The following GLO1 variants were observed in gnomAD, a reference collection of about 807,000 sequenced individuals.
GLO1 encodes the protein lactoylglutathione lyase.
A neutral mutation model predicts 26.0 loss-of-function variants in GLO1; 28 were observed. That is an observed-to-expected ratio of 1.08 (90% confidence interval 0.80 to 1.48). GLO1 has a LOEUF of 1.48. GLO1 is among the 40% of genes most tolerant of loss of function. The probability of loss-of-function intolerance (pLI) is 0.00; values close to 1 mark genes in which losing one functional copy is unlikely to be tolerated. For missense variants in GLO1, 225 were observed against 224.8 expected (o/e 1.00, Z -0.01); for synonymous variants, 78 against 77.6 (o/e 1.00, Z -0.03).
intron 1 of GLO1, among the ~76,000 whole-genome samples, chr6:38,693,804 G>A (rs528946695): frequency 1.4e-3 from 217 of 151,870 alleles, no homozygotes; most frequent in African/African-American, 4.9e-3. Flanking sequence ...TCCGCCTCCC[G>A]GGTTCACGCC....
At chr6:38,685,160 T>C (rs1005945131) in intron 2 of GLO1, among the ~76,000 whole-genome samples, 13 of 152,148 alleles carry the variant, frequency 8.5e-5, no homozygotes, top group Non-Finnish European at 1.6e-4. Flanking sequence ...TGGATTACAC[T>C]GTACTGGGGA....
At chr6:38,687,561 A>T (rs1453807048) in intron 1 of GLO1, among the ~76,000 whole-genome samples, 1 of 152,244 alleles carries the variant, frequency 6.6e-6, no homozygotes, top group Non-Finnish European at 1.5e-5. Flanking sequence ...CTAGACTCCT[A>T]AATAACTAAA....
Position 38,698,040 on chromosome 6 carries a change from C to T in GLO1, c.84+4931G>A, listed in dbSNP as rs114075713. Among the ~76,000 whole-genome samples, 1,367 of 152,302 alleles carry T rather than the reference C, an allele frequency of 9.0e-3. 24 individuals carry two copies. Among genetic ancestry groups the T allele is most frequent in the African/African-American group, 0.03 (1,228 of 41,556 alleles). The stretch of plus-strand genomic sequence containing the variant: ...TAGCTGCATACTTCTCTAACACCAA[C>T]GGTTATCACCACTCCCCTAAACCGG... On this transcript the variant is annotated intron_variant, in intron 1 of 5. Transcript: ENST00000373365.
At chr6:38,687,752 C>A (rs1274053346) in intron 1 of GLO1, among the ~76,000 whole-genome samples, 1 of 152,132 alleles carries the variant, frequency 6.6e-6, no homozygotes, top group Admixed American at 6.5e-5. Flanking sequence ...GTATTACTGT[C>A]GATATTCATA....
chr6:38,681,653 T>A (rs1761382098), intron 5 of GLO1, among the ~76,000 whole-genome samples: 1 of 152,138 alleles, frequency 6.6e-6, no homozygotes. Flanking sequence ...TATATGAGCA[T>A]CAGATAAAAT....
At chr6:38,689,774 C>T (rs767387179) in intron 1 of GLO1, among the ~76,000 whole-genome samples, 2 of 152,002 alleles carry the variant, frequency 1.3e-5, no homozygotes, top group African/African-American at 2.4e-5. Flanking sequence ...GGTGAAACCC[C>T]GTCTCTACTA....
intron 1 of GLO1, among the ~76,000 whole-genome samples, chr6:38,693,685 C>CTCTCTCTCTCTCTCTCTCTCTATA (rs869232489): frequency 1.2e-5 from 1 of 86,442 alleles, no homozygotes. Context: ...CTCTCTCTCT[C>CTCTCTCTCTCTCTCTCTCTCTATA]TATATATATA....
chr6:38,679,072 A>G (rs1761323845), intron 5 of GLO1, among the ~76,000 whole-genome samples: 1 of 152,296 alleles, frequency 6.6e-6, no homozygotes, highest in Non-Finnish European at 1.5e-5. Context: ...AAAGCAATGG[A>G]CTGTAGATTC....
At chr6:38,693,681 C>CTATATATA (rs1200341644) in intron 1 of GLO1, among the ~76,000 whole-genome samples, 38 of 94,380 alleles carry the variant, frequency 4.0e-4, no homozygotes, top group African/African-American at 1.4e-3. Context: ...CTCTCTCTCT[C>CTATATATA]TCTCTATATA....
chr6:38,687,049 C>A, intron 1 of GLO1, 75 bp from the exon 2 acceptor site: 1 of 1,532,404 alleles, frequency 6.5e-7, no homozygotes. Flanking sequence ...CTTTCTGTAA[C>A]AAGATACAAA....
chr6:38,690,911 C>T (rs1302343566), intron 1 of GLO1, among the ~76,000 whole-genome samples: 3 of 152,176 alleles, frequency 2.0e-5, no homozygotes, highest in Non-Finnish European at 4.4e-5. Context: ...CTGTTAACTC[C>T]ATGTGCCTCT....
intron 2 of GLO1, among the ~76,000 whole-genome samples, chr6:38,684,875 A>G (rs557970474): frequency 1.3e-5 from 2 of 152,346 alleles, no homozygotes; most frequent in South Asian, 2.1e-4. Flanking sequence ...ATATACACAC[A>G]TACAAACACA....
intron 1 of GLO1, among the ~76,000 whole-genome samples, chr6:38,689,986 G>A (rs1046278127): frequency 2.0e-5 from 3 of 151,926 alleles, no homozygotes; most frequent in Middle Eastern, 3.4e-3. Context: ...CACCCAGCCC[G>A]GCTAATTTTT....
chr6:38,702,943 G>A (rs748008510), intron 1 of GLO1, 28 bp downstream of exon 1: 3 of 1,304,676 alleles, frequency 2.3e-6, no homozygotes, highest in Admixed American at 3.4e-5. Context: ...GGAGCTGGGG[G>A]AGCCGTTCCC....
chr6:38,694,057 C>A (rs1338099288), intron 1 of GLO1, among the ~76,000 whole-genome samples: 1 of 152,084 alleles, frequency 6.6e-6, no homozygotes, highest in Admixed American at 6.5e-5. Context: ...CTTTGTAATC[C>A]ATGGATTATT....
In GLO1 at chr6:38,682,838, G is replaced by A. The variant is rs545944113; in HGVS notation, c.346C>T (p.His116Tyr). 6.2e-7 allele frequency: 1 copy of A among 1,605,332 alleles called. No homozygotes were observed. The highest frequency in any genetic ancestry group is 8.5e-7 in the Non-Finnish European group (1 of 1,172,206). Residue 116 changes from histidine (H) to tyrosine (Y), a missense_variant, in exon 4 of 6, where the codon CAC becomes TAC. By Grantham distance (83) the His-to-Tyr change is moderately conservative. Coordinates refer to ENST00000373365, the MANE Select transcript of GLO1 (RefSeq NM_006708.3). Reference sequence around the variant, plus strand: ...CCTCGAGGGTCTGAATTGCCATTGTGGTAACTCTGGGTCTCATCATCTTCA... The same window carrying A: ...CCTCGAGGGTCTGAATTGCCATTGTAGTAACTCTGGGTCTCATCATCTTCA... Reference protein sequence around the residue: ...GTEDDETQSYHNGNSDPRGFG... With the variant: ...GTEDDETQSYYNGNSDPRGFG...
chr6:38,687,613 A>C (rs1412331422), intron 1 of GLO1, among the ~76,000 whole-genome samples: 2 of 152,260 alleles, frequency 1.3e-5, no homozygotes, highest in African/African-American at 4.8e-5. Context: ...GGGAAATTCA[A>C]CTTACTTATC....
At chr6:38,679,022 A>G (rs375414591) in intron 5 of GLO1, among the ~76,000 whole-genome samples, 13,144 of 57,306 alleles carry the variant, frequency 0.23, 681 homozygotes, top group Middle Eastern at 0.33. Flanking sequence ...CTCAGAGGCA[A>G]AAAATAATAA....
In GLO1 at chr6:38,702,996, C is replaced by A. The variant is rs377328531; in HGVS notation, c.59G>T (p.Cys20Phe). The change falls in exon 1 of 6, where the codon TGC (cysteine) becomes TTC (phenylalanine). Residue 20 changes from cysteine (C) to phenylalanine (F), a missense_variant. Physicochemically the swap from Cys to Phe is radical, Grantham distance 205 (BLOSUM62 -2). Coordinates refer to ENST00000373365, the MANE Select transcript of GLO1 (RefSeq NM_006708.3). ...GLTDEAALSC[C>F]SDADPSTKDF... Reference sequence around the variant, plus strand: ...CTTGGTACTGGGGTCCGCGTCGGAGCAGCAACTGAGGGCGGCCTCGTCCGT... The same window carrying A: ...CTTGGTACTGGGGTCCGCGTCGGAGAAGCAACTGAGGGCGGCCTCGTCCGT... The A allele has an allele frequency of 6.9e-6, 11 of 1,593,388 alleles. No individual in the cohort carries two copies. The highest frequency in any genetic ancestry group is 9.5e-6 in the Non-Finnish European group (11 of 1,163,642).
Sources: gnomAD v4.1 joint callset for allele counts (sites outside exome capture counted in the v4.1 genomes callset) on GRCh38, gnomAD v4.1.1 for gene constraint, MANE v1.5 for transcripts, NCBI Gene and HGNC (gene_info 2026-07-23, HGNC 2026-07-21) for gene names.